DPY19L4: variants seen among roughly 807,000 people sequenced by gnomAD.
The protein encoded by DPY19L4 is dpy-19 like 4.
DPY19L4 carries 97 observed loss-of-function variants against 102.8 expected under a neutral mutation model. The ratio of observed to expected loss-of-function variants is 0.94; its 90% CI spans 0.80 to 1.12. The LOEUF (loss-of-function observed/expected upper bound fraction) is 1.12, where lower values mean the gene tolerates loss of function less well. Among genes scored for constraint, DPY19L4 ranks in the 50% most tolerant of loss-of-function variants. The probability of loss-of-function intolerance (pLI) is 0.00; values close to 1 mark genes in which losing one functional copy is unlikely to be tolerated. For missense variants in DPY19L4, 815 were observed against 850.4 expected (o/e 0.96, Z 0.52); for synonymous variants, 252 against 283.1 (o/e 0.89, Z 1.10).
intron 17 of DPY19L4, among the ~76,000 whole-genome samples, chr8:94,784,550 T>C (rs1422517870): frequency 6.6e-6 from 1 of 152,172 alleles, no homozygotes; most frequent in Non-Finnish European, 1.5e-5. Flanking sequence ...TGCCTCAGTC[T>C]CCCGAGTAGC....
Position 94,765,783 on chromosome 8 carries a change from A to G in DPY19L4, c.1075A>G (p.Thr359Ala). 6.3e-7 allele frequency: 1 copy of G among 1,579,922 alleles called. No individual in the cohort carries two copies. The highest frequency in any genetic ancestry group is 8.7e-7 in the Non-Finnish European group (1 of 1,154,192). ...VINFYLVCTL[T>A]ITLNIIMKMF... ...TAATTTTTACTTGGTGTGTACTCTG[A>G]CAATAACATTGAATATTATAATGAA... The change falls in exon 10 of 19, where the codon ACA becomes GCA. Residue 359 changes from threonine (T) to alanine (A), a missense_variant. Coordinates refer to ENST00000414645, the MANE Select transcript of DPY19L4 (RefSeq NM_181787.3).
At chr8:94,765,373 C>G in intron 9 of DPY19L4, 59 bp downstream of exon 9, 1 of 1,495,124 alleles carries the variant, frequency 6.7e-7, no homozygotes, top group Non-Finnish European at 9.1e-7. Flanking sequence ...GAAGTGGAGT[C>G]TCACTCTGTT....
chr8:94,786,867 C>T (rs1474434629), intron 17 of DPY19L4, among the ~76,000 whole-genome samples: 1 of 152,128 alleles, frequency 6.6e-6, no homozygotes, highest in African/African-American at 2.4e-5. Flanking sequence ...ATTTAAATTA[C>T]ACAGAGTCTC....
chr8:94,775,834 G>C (rs1042413319), intron 13 of DPY19L4, among the ~76,000 whole-genome samples: 1 of 151,730 alleles, frequency 6.6e-6, no homozygotes, highest in South Asian at 2.1e-4. Context: ...TCTATACTAA[G>C]CACTGATATC....
chr8:94,756,178 T>C lies in DPY19L4; in HGVS notation c.735+19T>C. ...TGGAGAGGTAAGATACAAATCTGTT[T>C]TATCTGTTGCAGCTAATTCTGATGT... On this transcript the variant is annotated intron_variant, in intron 7 of 18. Coordinates refer to ENST00000414645, the MANE Select transcript of DPY19L4 (RefSeq NM_181787.3). 1 of 1,607,298 alleles carries C rather than the reference T, an allele frequency of 6.2e-7. No individual in the cohort carries two copies. Among genetic ancestry groups the C allele is most frequent in the Non-Finnish European group, 8.5e-7 (1 of 1,177,712 alleles).
intron 6 of DPY19L4, among the ~76,000 whole-genome samples, chr8:94,745,865 C>T (rs1811647680): frequency 6.6e-6 from 1 of 152,040 alleles, no homozygotes; most frequent in African/African-American, 2.4e-5. Flanking sequence ...AGTGATTCTC[C>T]TGCCTCAGCC....
intron 7 of DPY19L4, among the ~76,000 whole-genome samples, chr8:94,758,189 T>C (rs1812248017): frequency 5.9e-5 from 9 of 152,264 alleles, no homozygotes; most frequent in Middle Eastern, 6.8e-3. Flanking sequence ...CTTTGAGACG[T>C]GGACTCGCTC....
rs183852655 is a variant in DPY19L4 at position 94,739,847 on chromosome 8, G to A, written c.611+57G>A. 1.6e-5 allele frequency: 25 copies of A among 1,583,776 alleles called. 1 individual carries two copies. In the Admixed American group the frequency reaches 4.4e-4, roughly 28 times the overall value. On this transcript the variant is annotated intron_variant, in intron 6 of 18. Transcript: ENST00000414645. ...ACTTTTTGTGGCTGTAGTAGTCAGA[G>A]TTCTGAAAATGCCTCCCCTCCCCAA... is the stretch of plus-strand genomic sequence containing the variant.
At chr8:94,737,289 G>A (rs770745297) in intron 3 of DPY19L4, among the ~76,000 whole-genome samples, 7 of 151,980 alleles carry the variant, frequency 4.6e-5, no homozygotes, top group African/African-American at 7.2e-5. Flanking sequence ...GGGTTCAAGC[G>A]ATTCTCCCAC....
At chr8:94,732,303 A>AT (rs1208694115) in intron 2 of DPY19L4, among the ~76,000 whole-genome samples, 4 of 151,784 alleles carry the variant, frequency 2.6e-5, no homozygotes, top group Non-Finnish European at 4.4e-5. Context: ...TTAGTCCCTT[A>AT]TTTTTTTTAT....
intron 2 of DPY19L4, among the ~76,000 whole-genome samples, chr8:94,727,821 G>A (rs1002586389): frequency 2.0e-5 from 3 of 152,156 alleles, no homozygotes; most frequent in African/African-American, 7.2e-5. Context: ...CAGAAAGAAA[G>A]CATAAACTAC....
intron 12 of DPY19L4, 123 bp from the exon 13 acceptor site, chr8:94,770,329 A>G (rs895982194): frequency 1.3e-5 from 14 of 1,068,022 alleles, no homozygotes; most frequent in African/African-American, 9.8e-5. Context: ...AAGATCACCT[A>G]TATTTTTTGT....
rs374855788 is a variant in DPY19L4 at position 94,741,023 on chromosome 8, A to G, written c.611+1233A>G. Among the ~76,000 whole-genome samples the G allele has an allele frequency of 3.3e-5, 5 of 152,170 alleles. No individual in the cohort carries two copies. The East Asian group carries it at 7.7e-4, about 23-fold the overall frequency. On this transcript the variant is annotated intron_variant, in intron 6 of 18. Coordinates refer to ENST00000414645, the MANE Select transcript of DPY19L4 (RefSeq NM_181787.3). ...AAGTCTTGTTGCATCCTGTGGTGTCATTTAGCTTTTACCTTTATCTCCTGT... is the reference window on the plus strand; with the variant it reads ...AAGTCTTGTTGCATCCTGTGGTGTCGTTTAGCTTTTACCTTTATCTCCTGT...
At chr8:94,748,408 T>C (rs1361472332) in intron 6 of DPY19L4, among the ~76,000 whole-genome samples, 1 of 152,206 alleles carries the variant, frequency 6.6e-6, no homozygotes, top group Admixed American at 6.6e-5. Flanking sequence ...GGGGTCCTTC[T>C]GCCCCACCTC....
At chr8:94,724,887 C>T (rs896056684) in intron 1 of DPY19L4, among the ~76,000 whole-genome samples, 3 of 152,164 alleles carry the variant, frequency 2.0e-5, no homozygotes, top group Non-Finnish European at 4.4e-5. Flanking sequence ...CATACCCGGC[C>T]TAATAATGTC....
At chr8:94,722,041 G>A (rs567843888) in intron 1 of DPY19L4, among the ~76,000 whole-genome samples, 166 of 152,050 alleles carry the variant, frequency 1.1e-3, no homozygotes, top group African/African-American at 3.5e-3. Flanking sequence ...CCCGGGAGGC[G>A]GAGGTTGCAG....
In DPY19L4 at chr8:94,758,736, T is replaced by A. The variant is rs541402775; in HGVS notation, c.735+2577T>A. The stretch of plus-strand genomic sequence containing the variant: ...TCATCGCTGAGTAGTATTTTAGCAA[T>A]TTTTTTTTTTTTTTGAGACGGAGTC... On this transcript the variant is annotated intron_variant, in intron 7 of 18. Transcript: ENST00000414645. 1.9e-3 allele frequency among the ~76,000 whole-genome samples: 182 copies of A among 96,182 alleles called. 5 individuals carry two copies. In the East Asian group the frequency reaches 0.036, roughly 19 times the overall value. 63.1% of individuals were successfully genotyped at this position (96,182 alleles called of 152,430 possible).
chr8:94,761,949 C>T, intron 8 of DPY19L4, 115 bp downstream of exon 8: 1 of 1,075,536 alleles, frequency 9.3e-7, no homozygotes, highest in Non-Finnish European at 1.2e-6. Context: ...CCGATGCATA[C>T]AATATTTAAG....
At position 94,731,719 on chromosome 8, in the gene DPY19L4, C is replaced by T. The variant is rs150525107; in HGVS notation, c.128-2911C>T. 1.3e-4 allele frequency among the ~76,000 whole-genome samples: 20 copies of T among 152,058 alleles called. No homozygotes were observed. In the East Asian group the frequency reaches 3.5e-3, roughly 27 times the overall value. On this transcript the variant is annotated intron_variant, in intron 2 of 18. Transcript: ENST00000414645. ...GTGTGACACTTGTATCATATTGGTG[C>T]TAATATCGGATTTATTGCAGAGTGT...
Sources: gnomAD v4.1 joint callset for allele counts (sites outside exome capture counted in the v4.1 genomes callset) on GRCh38, gnomAD v4.1.1 for gene constraint, MANE v1.5 for transcripts, NCBI Gene and HGNC (gene_info 2026-07-23, HGNC 2026-07-21) for gene names.